RASAL2: variants seen among roughly 807,000 people sequenced by gnomAD.
RASAL2 encodes the protein RAS protein activator like 2, also known as ras GTPase-activating protein nGAP.
A neutral mutation model predicts 128.9 loss-of-function variants in RASAL2; 58 were observed. The observed-to-expected ratio is 0.45, with a 90% CI of 0.36 to 0.56. RASAL2 has a LOEUF of 0.56. RASAL2 is among the 20% of genes least tolerant of loss of function. RASAL2 has a pLI of 0.00. For missense variants in RASAL2, 1,360 were observed against 1,601.6 expected, an observed-to-expected ratio of 0.85 and a Z score of 2.57; for synonymous variants, 561 against 580.8, an observed-to-expected ratio of 0.97 and a Z score of 0.49.
Position 178,120,012 on chromosome 1 carries a change from C to T in RASAL2, c.202+25318C>T, listed in dbSNP as rs151215529. On this transcript the variant is annotated intron_variant, in intron 1 of 17. Coordinates refer to ENST00000367649, the MANE Select transcript of RASAL2 (RefSeq NM_170692.4). ...ATGCCGTTAGCTACTAAGAATGATG[C>T]TCTCAGTGCAGACACATTTGATGAA... Among the ~76,000 whole-genome samples the T allele has an allele frequency of 5.1e-3, 770 of 152,324 alleles. 15 individuals are homozygous for T. The highest frequency in any genetic ancestry group is 0.018 in the African/African-American group (739 of 41,574).
intron 1 of RASAL2, among the ~76,000 whole-genome samples, chr1:178,245,590 T>A (rs1227898523): frequency 6.6e-6 from 1 of 152,188 alleles, no homozygotes; most frequent in Non-Finnish European, 1.5e-5. Flanking sequence ...AGATCCCATT[T>A]GTCAGTTTTG....
intron 1 of RASAL2, among the ~76,000 whole-genome samples, chr1:178,198,581 T>C (rs1662754910): frequency 6.6e-6 from 1 of 152,232 alleles, no homozygotes; most frequent in Non-Finnish European, 1.5e-5. Flanking sequence ...TGGAGTTTGC[T>C]GGAGGTCCAC....
intron 3 of RASAL2, among the ~76,000 whole-genome samples, chr1:178,366,867 C>T (rs1671432282): frequency 6.6e-6 from 1 of 151,898 alleles, no homozygotes; most frequent in African/African-American, 2.4e-5. Context: ...CCAGAATAGG[C>T]AAATGCATAG....
chr1:178,268,382 T>C (rs977934090), intron 1 of RASAL2, among the ~76,000 whole-genome samples: 10 of 151,652 alleles, frequency 6.6e-5, no homozygotes, highest in Non-Finnish European at 1.5e-5. Flanking sequence ...GCAGGAGAAT[T>C]GCTTGAACCC....
intron 4 of RASAL2, among the ~76,000 whole-genome samples, chr1:178,407,487 G>A (rs1332554020): frequency 6.6e-6 from 1 of 152,124 alleles, no homozygotes; most frequent in African/African-American, 2.4e-5. Context: ...AAAATACATA[G>A]AGATTTTAAT....
intron 3 of RASAL2, among the ~76,000 whole-genome samples, chr1:178,361,701 G>T (rs1212332823): frequency 6.6e-6 from 1 of 152,096 alleles, no homozygotes; most frequent in Non-Finnish European, 1.5e-5. Flanking sequence ...ACAGGAGGGA[G>T]TCGGGGGTGG....
At chr1:178,202,920 C>T (rs887526067) in intron 1 of RASAL2, among the ~76,000 whole-genome samples, 1 of 152,222 alleles carries the variant, frequency 6.6e-6, no homozygotes, top group Non-Finnish European at 1.5e-5. Context: ...GCAACATGGA[C>T]TTCCACTTAC....
rs760844366 is a variant in RASAL2, at chr1:178,445,677, A to AACATCTATT, written c.1627+16_1627+24dup. 1.7e-5 allele frequency: 27 copies of AACATCTATT among 1,593,096 alleles called. 1 individual carries two copies. The South Asian group carries it at 3.1e-4, about 18-fold the overall frequency. On this transcript the variant is annotated intron_variant, in intron 9 of 17. Transcript: ENST00000367649. ...TGACGCACTGGGTATGAAAGAGAAA[A>AACATCTATT]ACATCTATTTTCTTTTATTTACTTT... is the stretch of plus-strand genomic sequence containing the variant.
At chr1:178,469,243 G>A (rs1437224841) in intron 17 of RASAL2, among the ~76,000 whole-genome samples, 2 of 152,098 alleles carry the variant, frequency 1.3e-5, no homozygotes, top group Non-Finnish European at 2.9e-5. Flanking sequence ...GCTGTGGTGA[G>A]CCATATTTGC....
intron 3 of RASAL2, among the ~76,000 whole-genome samples, chr1:178,303,802 C>T (rs1288608176): frequency 1.3e-5 from 2 of 151,934 alleles, no homozygotes; most frequent in African/African-American, 4.8e-5. Context: ...GAGGCTTGAA[C>T]AGATATTTTA....
intron 1 of RASAL2, among the ~76,000 whole-genome samples, chr1:178,280,656 T>C (rs1666740260): frequency 6.6e-6 from 1 of 152,090 alleles, no homozygotes; most frequent in African/African-American, 2.4e-5. Flanking sequence ...TCTGATTCTT[T>C]TTAATGTTTC....
At chr1:178,458,923 T>C (rs1317806748) in intron 14 of RASAL2, among the ~76,000 whole-genome samples, 1 of 152,220 alleles carries the variant, frequency 6.6e-6, no homozygotes, top group Non-Finnish European at 1.5e-5. Flanking sequence ...ATTTTTTTTC[T>C]TAAGCTTCCA....
chr1:178,395,880 G>T (rs1191413938), intron 4 of RASAL2, among the ~76,000 whole-genome samples: 1 of 150,664 alleles, frequency 6.6e-6, no homozygotes, highest in African/African-American at 2.5e-5. Context: ...AAATCATATA[G>T]CAATCATGGG....
intron 1 of RASAL2, among the ~76,000 whole-genome samples, chr1:178,143,961 T>C (rs1660630045): frequency 6.6e-6 from 1 of 152,114 alleles, no homozygotes; most frequent in Non-Finnish European, 1.5e-5. Flanking sequence ...TCATAAGTGG[T>C]GTTATAGTAT....
At chr1:178,233,373 G>A (rs1458326556) in intron 1 of RASAL2, among the ~76,000 whole-genome samples, 2 of 152,200 alleles carry the variant, frequency 1.3e-5, no homozygotes, top group African/African-American at 4.8e-5. Context: ...TGCAGATTCA[G>A]AGATAGGAAC....
chr1:178,189,756 T>C (rs1270605970), intron 1 of RASAL2, among the ~76,000 whole-genome samples: 2 of 152,200 alleles, frequency 1.3e-5, no homozygotes, highest in Non-Finnish European at 1.5e-5. Flanking sequence ...ATAAAATTAT[T>C]AGCACATCTA....
chr1:178,474,761 T>C lies in RASAL2; in HGVS notation c.*1522T>C, dbSNP rs900327058. ...AAATAGGAAAAGTTCATGCCTTCTA[T>C]GCTGTTCAGATATAATGTTAAAAGG... On this transcript the variant is annotated 3_prime_UTR_variant, in exon 18 of 18. Coordinates refer to ENST00000367649, the MANE Select transcript of RASAL2 (RefSeq NM_170692.4). 2.6e-5 allele frequency: 4 copies of C among 152,082 alleles called. No homozygotes were observed. The highest frequency in any genetic ancestry group is 5.9e-5 in the Non-Finnish European group (4 of 68,028). The allele number at this position is 152,082 out of a possible 1,614,324, so 9.4% of individuals were successfully genotyped here.
intron 3 of RASAL2, among the ~76,000 whole-genome samples, chr1:178,373,274 CT>C (rs60835442): frequency 0.019 from 1,132 of 60,150 alleles, 84 homozygotes; most frequent in African/African-American, 0.07. Context: ...TGTTTCTTTC[CT>C]TTTTTTTTTT....
chr1:178,407,389 G>A (rs916957217), intron 4 of RASAL2, among the ~76,000 whole-genome samples: 1 of 152,152 alleles, frequency 6.6e-6, no homozygotes, highest in Non-Finnish European at 1.5e-5. Context: ...AAGTTCCTAA[G>A]TTATATTGAG....
Sources: allele counts gnomAD v4.1 joint callset (sites outside exome capture counted in the v4.1 genomes callset), GRCh38; gene constraint gnomAD v4.1.1; transcripts MANE v1.5; gene names NCBI Gene and HGNC (gene_info 2026-07-23, HGNC 2026-07-21).